LARGE1: variants seen among roughly 807,000 people sequenced by gnomAD.
The protein encoded by LARGE1 is LARGE xylosyl- and glucuronyltransferase 1.
LARGE1 carries 43 observed loss-of-function variants against 87.6 expected under a neutral mutation model. The observed-to-expected ratio is 0.49, with a 90% CI of 0.38 to 0.63. The LOEUF is 0.63. LARGE1 is among the 30% of genes least tolerant of loss of function. The pLI, the probability that LARGE1 is intolerant of heterozygous loss-of-function variation, is 0.00. For synonymous variants in LARGE1, 434 were observed against 394.6 expected, an observed-to-expected ratio of 1.10 and a Z score of -1.18; for missense variants, 802 against 1,000.2, an observed-to-expected ratio of 0.80 and a Z score of 2.67.
At chr22:33,213,018 A>T (rs1361372321) in intron 11 of LARGE1, among the ~76,000 whole-genome samples, 1 of 122,130 alleles carries the variant, frequency 8.2e-6, no homozygotes, top group South Asian at 2.8e-4. Flanking sequence ...ACTCCGTCTG[A>T]AAAAAAAAAA....
At chr22:33,761,676 T>A in intron 1 of LARGE1, 118 bp from the exon 2 acceptor site, 1 of 611,980 alleles carries the variant, frequency 1.6e-6, no homozygotes, top group Non-Finnish European at 2.9e-6. Flanking sequence ...GGCTTCCTGC[T>A]AACCTTTCAT....
chr22:33,486,602 T>C (rs935261663), intron 6 of LARGE1, among the ~76,000 whole-genome samples: 1 of 151,986 alleles, frequency 6.6e-6, no homozygotes, highest in African/African-American at 2.4e-5. Context: ...TAACTGCAAC[T>C]TCAGAGAGAA....
intron 7 of LARGE1, among the ~76,000 whole-genome samples, chr22:33,391,115 G>C (rs1224255125): frequency 6.6e-6 from 1 of 152,130 alleles, no homozygotes; most frequent in East Asian, 1.9e-4. Flanking sequence ...ACAGGTGTGA[G>C]CCACCGTGCC....
chr22:33,493,665 G>A (rs763265410), intron 6 of LARGE1, among the ~76,000 whole-genome samples: 55 of 152,132 alleles, frequency 3.6e-4, no homozygotes, highest in Non-Finnish European at 6.2e-4. Context: ...TACCCATTTT[G>A]CAGATGAGGA....
At chr22:33,660,387 T>C (rs1049466591) in intron 2 of LARGE1, among the ~76,000 whole-genome samples, 1 of 152,098 alleles carries the variant, frequency 6.6e-6, no homozygotes, top group Non-Finnish European at 1.5e-5. Context: ...AAAACCGTCA[T>C]TGGAGGGTAA....
rs2066534810 is a variant in LARGE1, at chr22:33,417,322, C to T, written c.892+14839G>A. Among the ~76,000 whole-genome samples, 7 of 152,326 alleles carry T rather than the reference C, an allele frequency of 4.6e-5. No homozygotes were observed. The South Asian group carries it at 1.4e-3, about 32-fold the overall frequency. The stretch of plus-strand genomic sequence containing the variant: ...CCTAGGAATATGGAATGTTTCCCAC[C>T]AGTGGCTTTTCAAGCCCCTTCTCCA... On this transcript the variant is annotated intron_variant, in intron 7 of 14. Coordinates refer to ENST00000397394, the MANE Select transcript of LARGE1 (RefSeq NM_133642.5).
intron 9 of LARGE1, among the ~76,000 whole-genome samples, chr22:33,354,227 A>C (rs959555526): frequency 6.6e-6 from 1 of 152,258 alleles, no homozygotes; most frequent in African/African-American, 2.4e-5. Context: ...TTAGAAAATA[A>C]ATGTTTGAAA....
At chr22:33,446,340 CTG>C (rs2067686429) in intron 6 of LARGE1, among the ~76,000 whole-genome samples, 1 of 152,180 alleles carries the variant, frequency 6.6e-6, no homozygotes, top group Non-Finnish European at 1.5e-5. Context: ...TTCCTAAGCT[CTG>C]TATCCTTCTA....
At chr22:33,193,566 C>T (rs1248395962) in intron 11 of LARGE1, among the ~76,000 whole-genome samples, 3 of 152,052 alleles carry the variant, frequency 2.0e-5, no homozygotes, top group Non-Finnish European at 4.4e-5. Flanking sequence ...AATCCCAGCA[C>T]TTTGGGAGGT....
chr22:33,475,907 A>G (rs2069057655), intron 6 of LARGE1, among the ~76,000 whole-genome samples: 1 of 152,226 alleles, frequency 6.6e-6, no homozygotes, highest in Non-Finnish European at 1.5e-5. Flanking sequence ...TTGTCTGTGA[A>G]AGGAAAATAA....
chr22:33,777,128 C>T (rs941373873), intron 1 of LARGE1, among the ~76,000 whole-genome samples: 1 of 152,148 alleles, frequency 6.6e-6, no homozygotes, highest in African/African-American at 2.4e-5. Context: ...AGAGAGAAGT[C>T]ATTCCTGGCA....
chr22:33,742,213 T>A (rs1008755801), intron 2 of LARGE1, among the ~76,000 whole-genome samples: 12 of 152,152 alleles, frequency 7.9e-5, no homozygotes, highest in Non-Finnish European at 1.5e-4. Context: ...TATACTTCAG[T>A]TTCCTCGCCT....
chr22:33,606,318 T>C (rs1041202398), intron 4 of LARGE1, among the ~76,000 whole-genome samples: 2 of 151,400 alleles, frequency 1.3e-5, no homozygotes, highest in African/African-American at 4.9e-5. Context: ...GGCAGGAAAA[T>C]TGCTTGAATC....
At chr22:33,629,361 A>T (rs2080030595) in intron 3 of LARGE1, among the ~76,000 whole-genome samples, 1 of 152,146 alleles carries the variant, frequency 6.6e-6, no homozygotes, top group African/African-American at 2.4e-5. Flanking sequence ...CAGGGTTCAG[A>T]GACTTTTTAA....
chr22:33,749,279 T>C (rs2084222549), intron 2 of LARGE1, among the ~76,000 whole-genome samples: 1 of 152,196 alleles, frequency 6.6e-6, no homozygotes, highest in African/African-American at 2.4e-5. Flanking sequence ...CACGCCTGGA[T>C]AATTTTGTAT....
In LARGE1 at chr22:33,226,760, C is replaced by T. The variant is rs192557801; in HGVS notation, c.1731-59928G>A. 1.2e-4 allele frequency among the ~76,000 whole-genome samples: 18 copies of T among 151,420 alleles called. No individual in the cohort carries two copies. In the East Asian group the frequency reaches 2.7e-3, roughly 23 times the overall value. ...TATTTTTTTTTTTGAGACGGAGTCC[C>T]GCTCTTTAGCCCAGGCCGGATTGCA... On this transcript the variant is annotated intron_variant, in intron 11 of 11. Transcript: ENST00000608642.
At chr22:33,067,382 C>T in the LARGE1 span, among the ~76,000 whole-genome samples, 1 of 152,080 alleles carries the variant, frequency 6.6e-6, no homozygotes. Context: ...GGGTTCAAAT[C>T]CCAGCTTTAC....
intron 1 of LARGE1, among the ~76,000 whole-genome samples, chr22:33,877,649 ACG>A (rs2064509287): frequency 2.0e-5 from 3 of 151,684 alleles, no homozygotes; most frequent in Non-Finnish European, 4.4e-5. Context: ...CAGGCTGGGC[ACG>A]GTGGCTCACA....
chr22:33,120,368 TTC>T, the LARGE1 span, among the ~76,000 whole-genome samples: 287 of 77,136 alleles, frequency 3.7e-3, 2 homozygotes, highest in African/African-American at 0.021. Flanking sequence ...TTTTCTTTCT[TTC>T]TTTCTTTCTT....
Sources: allele counts gnomAD v4.1 joint callset (sites outside exome capture counted in the v4.1 genomes callset), GRCh38; gene constraint gnomAD v4.1.1; transcripts MANE v1.5; gene names NCBI Gene and HGNC (gene_info 2026-07-23, HGNC 2026-07-21).